Variants in KIAA1217 observed in about 807,000 individuals in gnomAD.
The protein encoded by KIAA1217 is sickle tail protein homolog.
Under a neutral mutation model 163.9 loss-of-function variants are expected in KIAA1217, and 88 were observed. The observed-to-expected ratio is 0.54, with a 90% CI of 0.45 to 0.64. The LOEUF (loss-of-function observed/expected upper bound fraction) is 0.64, where lower values mean the gene tolerates loss of function less well. KIAA1217 is among the 30% of genes least tolerant of loss of function. The pLI is 0.00. For missense variants in KIAA1217, 2,372 were observed against 2,475.0 expected (o/e 0.96, Z 0.88); for synonymous variants, 903 against 923.1 (o/e 0.98, Z 0.39).
intron 2 of KIAA1217, among the ~76,000 whole-genome samples, chr10:24,196,659 T>C (rs546812345): frequency 1.8e-3 from 269 of 152,328 alleles, no homozygotes; most frequent in African/African-American, 6.2e-3. Flanking sequence ...TTTGCGTTCC[T>C]GCTGGTGACA....
At chr10:23,724,847 G>T (rs1838049560) in intron 1 of KIAA1217, among the ~76,000 whole-genome samples, 1 of 152,130 alleles carries the variant, frequency 6.6e-6, no homozygotes, top group African/African-American at 2.4e-5. Flanking sequence ...TGATATACCA[G>T]GAAGACATGC....
intron 1 of KIAA1217, among the ~76,000 whole-genome samples, chr10:23,902,075 C>G (rs1841980591): frequency 6.6e-6 from 1 of 152,052 alleles, no homozygotes; most frequent in South Asian, 2.1e-4. Context: ...GTATTTGGTT[C>G]CCATGCTGAT....
intron 2 of KIAA1217, among the ~76,000 whole-genome samples, chr10:24,281,639 G>A (rs549175291): frequency 1.1e-4 from 16 of 152,226 alleles, no homozygotes; most frequent in African/African-American, 3.6e-4. Context: ...GAGTTATTTT[G>A]TAGAATCTCC....
At chr10:23,759,157 T>C (rs1834108272) in intron 1 of KIAA1217, among the ~76,000 whole-genome samples, 1 of 152,146 alleles carries the variant, frequency 6.6e-6, no homozygotes, top group South Asian at 2.1e-4. Context: ...AATTCCTAAG[T>C]ATTTTATTCT....
At chr10:23,741,054 TGTCCAGTAATTG>T (rs1839085440) in intron 1 of KIAA1217, among the ~76,000 whole-genome samples, 1 of 152,234 alleles carries the variant, frequency 6.6e-6, no homozygotes, top group African/African-American at 2.4e-5. Flanking sequence ...GTAGTTTAGC[TGTCCAGTAATTG>T]GTCCAGTAGT....
chr10:24,333,965 G>A (rs2046006603), intron 2 of KIAA1217, among the ~76,000 whole-genome samples: 1 of 152,186 alleles, frequency 6.6e-6, no homozygotes, highest in Non-Finnish European at 1.5e-5. Context: ...ATTCTTAACT[G>A]AATGAAGCAT....
intron 3 of KIAA1217, among the ~76,000 whole-genome samples, chr10:24,391,830 G>A (rs1815264558): frequency 6.6e-6 from 1 of 152,178 alleles, no homozygotes; most frequent in Non-Finnish European, 1.5e-5. Flanking sequence ...CGTTAAGTTA[G>A]AGTGAACTAT....
At chr10:23,844,418 G>A (rs1272340076) in intron 1 of KIAA1217, among the ~76,000 whole-genome samples, 1 of 152,164 alleles carries the variant, frequency 6.6e-6, no homozygotes, top group African/African-American at 2.4e-5. Context: ...GCCTACTGAA[G>A]ATATAGCTTC....
At chr10:23,855,786 T>C (rs1839624925) in intron 1 of KIAA1217, among the ~76,000 whole-genome samples, 1 of 152,226 alleles carries the variant, frequency 6.6e-6, no homozygotes, top group Admixed American at 6.5e-5. Context: ...TGATACCCTT[T>C]CTTCCAGTTG....
intron 1 of KIAA1217, among the ~76,000 whole-genome samples, chr10:23,808,570 G>C (rs971846510): frequency 5.9e-5 from 9 of 151,710 alleles, no homozygotes; most frequent in African/African-American, 2.2e-4. Context: ...AATGGGTTGA[G>C]CAATAGATCA....
chr10:24,057,015 G>C (rs2060553701), intron 2 of KIAA1217, among the ~76,000 whole-genome samples: 1 of 152,010 alleles, frequency 6.6e-6, no homozygotes, highest in Admixed American at 6.6e-5. Flanking sequence ...GGCTGGGCTT[G>C]GTGGCTCACA....
At chr10:23,895,963 A>C (rs1433648975) in intron 1 of KIAA1217, among the ~76,000 whole-genome samples, 2 of 129,054 alleles carry the variant, frequency 1.5e-5, no homozygotes, top group African/African-American at 5.9e-5. Context: ...GGACACAGGA[A>C]GGGGAGCATC....
At chr10:24,384,459 C>G (rs954105525) in intron 3 of KIAA1217, among the ~76,000 whole-genome samples, 10 of 152,146 alleles carry the variant, frequency 6.6e-5, no homozygotes, top group African/African-American at 9.7e-5. Context: ...GAGACCGACA[C>G]ATTGATATCA....
At chr10:24,422,074 G>A (rs2058776242) in intron 3 of KIAA1217, among the ~76,000 whole-genome samples, 10 of 152,132 alleles carry the variant, frequency 6.6e-5, no homozygotes, top group Admixed American at 6.5e-4. Context: ...CATCTTACAT[G>A]GTGGCAGGCA....
rs1197526421 is a variant in KIAA1217 at position 23,811,084 on chromosome 10, CA to C, written c.-321+115851del. ...TAATCTCTATATATAATACATAGTA[CA>C]CTATATTATATATACTATATATTAT... On this transcript the variant is annotated intron_variant, in intron 1 of 18. Coordinates refer to the KIAA1217 transcript ENST00000376462. Among the ~76,000 whole-genome samples the C allele has an allele frequency of 2.5e-5, 3 of 119,506 alleles. No individual in the cohort carries two copies. The East Asian group carries it at 6.8e-4, about 27-fold the overall frequency. 78.4% of individuals were successfully genotyped at this position (119,506 alleles called of 152,430 possible). A position where few individuals can be genotyped will look rare whatever the true frequency, so the allele number is the denominator to read the frequency against.
At chr10:24,125,163 T>C (rs983194539) in intron 2 of KIAA1217, among the ~76,000 whole-genome samples, 8 of 152,104 alleles carry the variant, frequency 5.3e-5, no homozygotes, top group African/African-American at 1.9e-4. Context: ...TCCAAGCTAC[T>C]TGGGAGGCTA....
chr10:24,519,074 A>G (rs181102497), intron 10 of KIAA1217, among the ~76,000 whole-genome samples: 1,949 of 152,274 alleles, frequency 0.013, 12 homozygotes, highest in Non-Finnish European at 0.02. Flanking sequence ...CTAAGTGGAA[A>G]GGGCCTTCGA....
intron 1 of KIAA1217, among the ~76,000 whole-genome samples, chr10:23,904,050 G>A (rs909377835): frequency 1.3e-5 from 2 of 152,040 alleles, no homozygotes; most frequent in Non-Finnish European, 2.9e-5. Flanking sequence ...TCTATCCCTG[G>A]CAAACAGTAA....
chr10:24,420,308 C>G (rs2058629184), intron 3 of KIAA1217, among the ~76,000 whole-genome samples: 1 of 152,194 alleles, frequency 6.6e-6, no homozygotes, highest in Non-Finnish European at 1.5e-5. Context: ...TTATTGGCCA[C>G]TGGAGTTTCC....
Sources: gnomAD v4.1 joint callset for allele counts (sites outside exome capture counted in the v4.1 genomes callset) on GRCh38, gnomAD v4.1.1 for gene constraint, MANE v1.5 for transcripts, NCBI Gene and HGNC (gene_info 2026-07-23, HGNC 2026-07-21) for gene names.